HOMER1: variants seen among roughly 807,000 people sequenced by gnomAD.
HOMER1 encodes homer scaffold protein 1.
A neutral mutation model predicts 48.9 loss-of-function variants in HOMER1; 3 were observed. That is an observed-to-expected ratio of 0.06 (90% CI 0.03 to 0.16). The LOEUF (loss-of-function observed/expected upper bound fraction) is 0.16, where lower values mean the gene tolerates loss of function less well. Among genes scored for constraint, HOMER1 ranks in the 10% least tolerant of loss-of-function variants. The pLI, the probability that HOMER1 is intolerant of heterozygous loss-of-function variation, is 1.00. For synonymous variants in HOMER1, 134 were observed against 146.4 expected, an observed-to-expected ratio of 0.92 and a Z score of 0.61; for missense variants, 247 against 411.4, an observed-to-expected ratio of 0.60 and a Z score of 3.46.
chr5:79,496,919 A>C (rs1752437083), intron 1 of HOMER1, among the ~76,000 whole-genome samples: 1 of 151,902 alleles, frequency 6.6e-6, no homozygotes, highest in Non-Finnish European at 1.5e-5. Context: ...TACAAAAATT[A>C]GCCAGTTGTG....
intron 1 of HOMER1, among the ~76,000 whole-genome samples, chr5:79,467,306 G>T (rs940477172): frequency 6.9e-6 from 1 of 145,628 alleles, no homozygotes; most frequent in Admixed American, 7.1e-5. Context: ...CAGGAGAATG[G>T]CTTGAACCTG....
intron 6 of HOMER1, among the ~76,000 whole-genome samples, chr5:79,398,360 T>C (rs918168830): frequency 7.9e-5 from 12 of 151,976 alleles, no homozygotes; most frequent in Non-Finnish European, 1.5e-4. Context: ...CACAGTTCTT[T>C]ACATATATCA....
chr5:79,500,963 GACACACACACAC>G (rs140189642), intron 1 of HOMER1, among the ~76,000 whole-genome samples: 25 of 101,600 alleles, frequency 2.5e-4, no homozygotes, highest in African/African-American at 6.7e-4. Flanking sequence ...GAGACAGACA[GACACACACACAC>G]ACACACACAC....
chr5:79,506,848 A>C (rs1203452957), intron 1 of HOMER1, among the ~76,000 whole-genome samples: 2 of 136,358 alleles, frequency 1.5e-5, no homozygotes, highest in Non-Finnish European at 3.1e-5. Context: ...AACCAAACAA[A>C]CAAAAAAATA....
At chr5:79,474,107 T>C (rs979314211) in intron 1 of HOMER1, among the ~76,000 whole-genome samples, 9 of 151,912 alleles carry the variant, frequency 5.9e-5, no homozygotes, top group African/African-American at 2.2e-4. Flanking sequence ...TCATGGCTTA[T>C]AGCTCACTGC....
chr5:79,503,534 GAAAA>G (rs751672080), intron 1 of HOMER1, among the ~76,000 whole-genome samples: 1 of 17,328 alleles, frequency 5.8e-5, no homozygotes, highest in Non-Finnish European at 9.4e-5. Flanking sequence ...GTCACAAAGA[GAAAA>G]AAAAAAAAAA....
intron 8 of HOMER1, among the ~76,000 whole-genome samples, chr5:79,384,412 T>C (rs889573503): frequency 6.6e-6 from 1 of 152,118 alleles, no homozygotes; most frequent in Non-Finnish European, 1.5e-5. Flanking sequence ...AGGATATGGA[T>C]GAATTCCTGG....
chr5:79,434,335 A>G (rs999092746), intron 5 of HOMER1, among the ~76,000 whole-genome samples: 10 of 150,038 alleles, frequency 6.7e-5, no homozygotes, highest in African/African-American at 1.3e-4. Flanking sequence ...AAAAAAATCT[A>G]TTATTATTTA....
chr5:79,436,103 G>A (rs1056496601), intron 5 of HOMER1, among the ~76,000 whole-genome samples: 66 of 150,696 alleles, frequency 4.4e-4, no homozygotes, highest in African/African-American at 1.3e-3. Flanking sequence ...TCCGCAGTCC[G>A]GCCTGGGCGA....
intron 1 of HOMER1, among the ~76,000 whole-genome samples, chr5:79,461,165 A>G (rs762303055): frequency 6.6e-6 from 1 of 152,208 alleles, no homozygotes; most frequent in Non-Finnish European, 1.5e-5. Context: ...TTTAGAAAAA[A>G]GCTGTAGAAG....
chr5:79,428,254 A>T (rs1423174956), intron 5 of HOMER1, among the ~76,000 whole-genome samples: 2 of 152,200 alleles, frequency 1.3e-5, no homozygotes, highest in Admixed American at 6.5e-5. Flanking sequence ...TAATAGAAAA[A>T]AACAAACACT....
chr5:79,428,545 G>A (rs1750334896), intron 5 of HOMER1, among the ~76,000 whole-genome samples: 2 of 151,888 alleles, frequency 1.3e-5, no homozygotes, highest in African/African-American at 4.8e-5. Context: ...AAAATCCTAA[G>A]GAACCCACTA....
At chr5:79,432,932 GTTT>G (rs1475799535) in intron 5 of HOMER1, among the ~76,000 whole-genome samples, 1 of 152,044 alleles carries the variant, frequency 6.6e-6, no homozygotes, top group African/African-American at 2.4e-5. Context: ...ACTTAATCTA[GTTT>G]TTGAGGTTTG....
chr5:79,418,202 G>A (rs1453013353), intron 5 of HOMER1, among the ~76,000 whole-genome samples: 1 of 152,198 alleles, frequency 6.6e-6, no homozygotes, highest in African/African-American at 2.4e-5. Context: ...GGGCCCTGAT[G>A]AAAAGTATTA....
At chr5:79,475,865 T>C (rs147143953) in intron 1 of HOMER1, among the ~76,000 whole-genome samples, 1 of 152,286 alleles carries the variant, frequency 6.6e-6, no homozygotes, top group African/African-American at 2.4e-5. Flanking sequence ...TCAGTGCACA[T>C]ATATACACCT....
intron 5 of HOMER1, among the ~76,000 whole-genome samples, chr5:79,408,115 C>T (rs893524733): frequency 1.3e-5 from 2 of 152,088 alleles, no homozygotes; most frequent in Admixed American, 6.5e-5. Context: ...TAAACATAAA[C>T]CCTACATATA....
intron 2 of HOMER1, among the ~76,000 whole-genome samples, chr5:79,454,833 CAGTG>C (rs2112299456): frequency 6.6e-6 from 1 of 152,266 alleles, no homozygotes; most frequent in Admixed American, 6.5e-5. Flanking sequence ...ACAACAATAG[CAGTG>C]AGTGTTTGTA....
At chr5:79,429,746 G>A (rs1283938997) in intron 5 of HOMER1, among the ~76,000 whole-genome samples, 1 of 152,166 alleles carries the variant, frequency 6.6e-6, no homozygotes, top group Non-Finnish European at 1.5e-5. Context: ...AACATTGGCT[G>A]GGCGTGGTGG....
At chr5:79,416,042 C>A (rs1007809212) in intron 5 of HOMER1, among the ~76,000 whole-genome samples, 10 of 152,176 alleles carry the variant, frequency 6.6e-5, no homozygotes, top group African/African-American at 2.2e-4. Flanking sequence ...GATGGTAGTA[C>A]CTTCCATATA....
Sources: gnomAD v4.1 joint callset for allele counts (sites outside exome capture counted in the v4.1 genomes callset) on GRCh38, gnomAD v4.1.1 for gene constraint, MANE v1.5 for transcripts, NCBI Gene and HGNC (gene_info 2026-07-23, HGNC 2026-07-21) for gene names.